MAP4K3: variants seen among roughly 807,000 people sequenced by gnomAD.
MAP4K3 encodes mitogen-activated protein kinase kinase kinase kinase 3, also known as MAPK/ERK kinase kinase kinase 3.
MAP4K3 carries 94 observed loss-of-function variants against 143.5 expected under a neutral mutation model. The ratio of observed to expected loss-of-function variants is 0.65; its 90% confidence interval spans 0.55 to 0.78. The LOEUF is 0.78. Ranked by LOEUF, MAP4K3 falls within the 30% of genes least tolerant of loss-of-function variation. The pLI is 0.00. For missense variants in MAP4K3, 1,077 were observed against 1,068.1 expected (o/e 1.01, Z -0.12); for synonymous variants, 416 against 347.2 (o/e 1.20, Z -2.20).
intron 3 of MAP4K3, among the ~76,000 whole-genome samples, chr2:39,346,541 G>A (rs1219464268): frequency 6.6e-6 from 1 of 152,064 alleles, no homozygotes; most frequent in East Asian, 1.9e-4. Flanking sequence ...CATTGCATTA[G>A]GTTTAATCCA....
intron 28 of MAP4K3, among the ~76,000 whole-genome samples, chr2:39,264,890 G>T (rs935653089): frequency 6.6e-6 from 1 of 152,180 alleles, no homozygotes; most frequent in African/African-American, 2.4e-5. Context: ...TGTGATGGAG[G>T]TCAACCAGAG....
chr2:39,372,580 G>T (rs1666111945), intron 2 of MAP4K3, among the ~76,000 whole-genome samples: 1 of 151,420 alleles, frequency 6.6e-6, no homozygotes, highest in Admixed American at 6.6e-5. Context: ...CATGCTGCTG[G>T]AAAAACAGAT....
chr2:39,422,905 A>G (rs1157815652), intron 1 of MAP4K3, among the ~76,000 whole-genome samples: 4 of 152,160 alleles, frequency 2.6e-5, no homozygotes, highest in Non-Finnish European at 5.9e-5. Context: ...GGCATGACTC[A>G]TGAAAGAAAA....
At chr2:39,369,017 A>G (rs975232538) in intron 2 of MAP4K3, among the ~76,000 whole-genome samples, 1 of 152,074 alleles carries the variant, frequency 6.6e-6, no homozygotes, top group African/African-American at 2.4e-5. Context: ...TTCCCTCTGC[A>G]CATAACTCAA....
intron 1 of MAP4K3, among the ~76,000 whole-genome samples, chr2:39,405,190 C>T (rs1667061722): frequency 6.6e-6 from 1 of 152,192 alleles, no homozygotes; most frequent in African/African-American, 2.4e-5. Flanking sequence ...GACCTTGTGT[C>T]ACCCCTCCCC....
chr2:39,329,027 C>A (rs1284064538), intron 8 of MAP4K3, among the ~76,000 whole-genome samples: 1 of 152,094 alleles, frequency 6.6e-6, no homozygotes, highest in Non-Finnish European at 1.5e-5. Context: ...AGATATAATA[C>A]CAGAAAGACA....
intron 12 of MAP4K3, among the ~76,000 whole-genome samples, chr2:39,321,386 G>A (rs1191451851): frequency 1.3e-5 from 2 of 152,188 alleles, no homozygotes; most frequent in African/African-American, 4.8e-5. Flanking sequence ...ACAGATGCTT[G>A]AAGGCAGCAT....
chr2:39,373,311 A>G (rs1296652324), intron 2 of MAP4K3, among the ~76,000 whole-genome samples: 1 of 152,210 alleles, frequency 6.6e-6, no homozygotes, highest in Non-Finnish European at 1.5e-5. Flanking sequence ...AATGTGGAGA[A>G]AAGGGAACCC....
chr2:39,260,996 A>C, intron 28 of MAP4K3: 1 of 414,898 alleles, frequency 2.4e-6, no homozygotes, highest in Non-Finnish European at 4.3e-6. Flanking sequence ...TAGGACATTA[A>C]GGCTGGAAGG....
In MAP4K3 at chr2:39,258,417, G is replaced by A; in HGVS notation, c.2401C>T (p.Gln801Ter). 6.2e-7 allele frequency: 1 copy of A among 1,610,648 alleles called. No individual in the cohort carries two copies. Residue 801 changes from glutamine (Q) to a stop codon, truncating the protein, a stop_gained, in exon 31 of 34, where the codon CAA becomes TAA. Coordinates refer to ENST00000263881, the MANE Select transcript of MAP4K3 (RefSeq NM_003618.4). LOFTEE classifies it high-confidence loss of function. ...LDCCIKIVNL[Q>*]GRLKSSRKLS... Reference sequence around the variant, plus strand: ...TTCCTGCTAGATTTTAATCTTCCTTGGAGATTTACTATTTTTATACAACCT... The same window carrying A: ...TTCCTGCTAGATTTTAATCTTCCTTAGAGATTTACTATTTTTATACAACCT...
chr2:39,280,440 T>C (rs917131802), intron 22 of MAP4K3, 84 bp from the exon 23 acceptor site: 23 of 690,678 alleles, frequency 3.3e-5, no homozygotes, highest in Non-Finnish European at 5.5e-5. Context: ...TCTATTTTAA[T>C]GTGAGAGTCT....
chr2:39,325,772 G>T lies in MAP4K3; in HGVS notation c.765C>A (p.Thr255=). Residue 255 remains threonine, a synonymous_variant, in exon 11 of 34, where the codon ACC becomes ACA. Transcript: ENST00000263881. ...SFHHFVKMAL[T]KNPKKRPTAE... Reference sequence around the variant, plus strand: ...CAGTAGGTCTTTTTTTCGGATTTTTGGTAAGTGCCATTTTCACAAAGTGAT... The same window carrying T: ...CAGTAGGTCTTTTTTTCGGATTTTTTGTAAGTGCCATTTTCACAAAGTGAT... The T allele has an allele frequency of 6.2e-7, 1 of 1,608,946 alleles. No individual in the cohort carries two copies. Among genetic ancestry groups the T allele is most frequent in the South Asian group, 1.1e-5 (1 of 89,668 alleles).
intron 1 of MAP4K3, among the ~76,000 whole-genome samples, chr2:39,386,147 G>A (rs1414465376): frequency 6.6e-6 from 1 of 152,184 alleles, no homozygotes; most frequent in East Asian, 1.9e-4. Context: ...CAAGACTGAT[G>A]TCCCTTTAAG....
At chr2:39,385,602 T>G (rs1218258177) in intron 1 of MAP4K3, among the ~76,000 whole-genome samples, 8 of 138,318 alleles carry the variant, frequency 5.8e-5, no homozygotes, top group Non-Finnish European at 9.2e-5. Context: ...ATTCTATATA[T>G]GAGTCCTTTG....
chr2:39,291,472 GCTA>G (rs1444099120), intron 18 of MAP4K3, among the ~76,000 whole-genome samples: 2 of 152,096 alleles, frequency 1.3e-5, no homozygotes, highest in Non-Finnish European at 2.9e-5. Context: ...CTTCATTTTT[GCTA>G]CTGTTAGATA....
intron 1 of MAP4K3, among the ~76,000 whole-genome samples, chr2:39,386,575 G>T (rs907864664): frequency 6.6e-6 from 1 of 152,114 alleles, no homozygotes; most frequent in African/African-American, 2.4e-5. Context: ...TCATTTTTGT[G>T]TAAGGTGTAC....
intron 1 of MAP4K3, among the ~76,000 whole-genome samples, chr2:39,391,288 G>A (rs554111727): frequency 4.3e-5 from 6 of 138,882 alleles, no homozygotes; most frequent in East Asian, 2.4e-4. Flanking sequence ...GAACCCAGGC[G>A]GCAGAGCTTG....
rs60361690 is a variant in MAP4K3 at position 39,333,961 on chromosome 2, TTGTGTGTGTG to T, written c.415-397_415-388del. On this transcript the variant is annotated intron_variant, in intron 6 of 33. Transcript: ENST00000263881. ...TAAACTTGATTATTGTTTCCCATTT[TTGTGTGTGTG>T]TGTGTGTGTGTGTGTGTGTGTGTGT... 3.8e-3 allele frequency among the ~76,000 whole-genome samples: 541 copies of T among 144,144 alleles called. 3 individuals are homozygous for T. Among genetic ancestry groups the T allele is most frequent in the African/African-American group, 0.01 (404 of 39,828 alleles). 94.6% of individuals were successfully genotyped at this position (144,144 alleles called of 152,430 possible).
At chr2:39,380,716 T>A (rs150085637) in intron 1 of MAP4K3, among the ~76,000 whole-genome samples, 1 of 152,298 alleles carries the variant, frequency 6.6e-6, no homozygotes, top group Admixed American at 6.5e-5. Flanking sequence ...CTTATAACTC[T>A]GCAAGGGTAC....
Sources: allele counts gnomAD v4.1 joint callset (sites outside exome capture counted in the v4.1 genomes callset), GRCh38; gene constraint gnomAD v4.1.1; transcripts MANE v1.5; gene names NCBI Gene and HGNC (gene_info 2026-07-23, HGNC 2026-07-21).